Variants in CPEB3 observed in about 807,000 individuals in gnomAD.
CPEB3 encodes the protein cytoplasmic polyadenylation element binding protein 3, also known as cytoplasmic polyadenylation element-binding protein 3.
In CPEB3, 20 loss-of-function variants were observed where a neutral mutation model predicts 67.2. The observed-to-expected ratio is 0.30, with a 90% CI of 0.21 to 0.43. The LOEUF is 0.43. Among genes scored for constraint, CPEB3 ranks in the 20% least tolerant of loss-of-function variants. The pLI, the probability that CPEB3 is intolerant of heterozygous loss-of-function variation, is 1.00. For synonymous variants in CPEB3, 376 were observed against 393.1 expected, an observed-to-expected ratio of 0.96 and a Z score of 0.51; for missense variants, 746 against 968.6, an observed-to-expected ratio of 0.77 and a Z score of 3.05.
At chr10:92,098,770 CTTTTTTTTTTT>C (rs984013045) in intron 7 of CPEB3, among the ~76,000 whole-genome samples, 2 of 124,558 alleles carry the variant, frequency 1.6e-5, no homozygotes, top group East Asian at 4.4e-4. Context: ...TTCTTTTTTT[CTTTTTTTTTTT>C]TTTTTTTTGA....
chr10:92,219,118 C>T (rs57644484), intron 2 of CPEB3, among the ~76,000 whole-genome samples: 11,958 of 152,080 alleles, frequency 0.079, 1,555 homozygotes, highest in African/African-American at 0.27. Context: ...TTAAAAGATT[C>T]GGTTTTGAAC....
At position 92,240,073 on chromosome 10, in the gene CPEB3, G is replaced by A. The variant is rs1309844764; in HGVS notation, c.278C>T (p.Pro93Leu). 2.5e-6 allele frequency: 4 copies of A among 1,587,066 alleles called. No homozygotes were observed. Among genetic ancestry groups the A allele is most frequent in the East Asian group, 2.3e-5 (1 of 43,668 alleles). The change falls in exon 2 of 10, where the codon CCT becomes CTT. Residue 93 changes from proline to leucine, a missense_variant. Transcript: ENST00000265997. The stretch of plus-strand genomic sequence containing the variant: ...CGCGCCCGGTGCCGCGGGCTCCTGA[G>A]GCGGCGGCGGCTGCTGAGGAGGCTG... ...FHQPPQQPPP[P>L]QEPAAPGASL...
intron 4 of CPEB3, among the ~76,000 whole-genome samples, chr10:92,176,881 CAT>C (rs1444229400): frequency 6.6e-6 from 1 of 152,254 alleles, no homozygotes; most frequent in African/African-American, 2.4e-5. Context: ...CCGCAAGCCA[CAT>C]GTGGCCCAAG....
At chr10:92,201,185 G>C (rs762711299) in intron 2 of CPEB3, among the ~76,000 whole-genome samples, 1 of 152,178 alleles carries the variant, frequency 6.6e-6, no homozygotes, top group Non-Finnish European at 1.5e-5. Flanking sequence ...GAAGGATACA[G>C]AAAGGGAAAG....
At chr10:92,257,532 G>A (rs1852571475) in intron 1 of CPEB3, among the ~76,000 whole-genome samples, 1 of 151,864 alleles carries the variant, frequency 6.6e-6, no homozygotes. Context: ...CTGGGCTCAG[G>A]CAATCCTCCT....
At chr10:92,238,774 T>C (rs2134650538) in intron 2 of CPEB3, among the ~76,000 whole-genome samples, 1 of 148,808 alleles carries the variant, frequency 6.7e-6, no homozygotes, top group South Asian at 2.1e-4. Context: ...ATATGCTGAT[T>C]GTTATTAATG....
intron 9 of CPEB3, among the ~76,000 whole-genome samples, chr10:92,058,078 G>T (rs1404659224): frequency 6.6e-6 from 1 of 152,070 alleles, no homozygotes; most frequent in African/African-American, 2.4e-5. Flanking sequence ...AGGAAAACAT[G>T]ACCTCACCAA....
intron 9 of CPEB3, among the ~76,000 whole-genome samples, chr10:92,065,579 G>T (rs915503014): frequency 6.6e-6 from 1 of 152,032 alleles, no homozygotes; most frequent in African/African-American, 2.4e-5. Context: ...TTCAACCCCA[G>T]GAAAATTTCA....
At chr10:92,279,320 T>C (rs1309936862) in intron 1 of CPEB3, among the ~76,000 whole-genome samples, 1 of 152,220 alleles carries the variant, frequency 6.6e-6, no homozygotes, top group Non-Finnish European at 1.5e-5. Context: ...AAATGTTTAA[T>C]ACTTGCTTTC....
At chr10:92,162,944 G>C (rs1489270961) in intron 4 of CPEB3, among the ~76,000 whole-genome samples, 1 of 152,042 alleles carries the variant, frequency 6.6e-6, no homozygotes, top group Non-Finnish European at 1.5e-5. Flanking sequence ...CACTTGCATA[G>C]CTTCCCCAAT....
rs988289420 is a variant in CPEB3 at position 92,215,376 on chromosome 10, A to ACTCCTGAT, written c.1006-22748_1006-22741dup. Among the ~76,000 whole-genome samples the ACTCCTGAT allele has an allele frequency of 6.3e-5, 9 of 143,256 alleles. No individual in the cohort carries two copies. The East Asian group carries it at 1.9e-3, about 30-fold the overall frequency. The allele number at this position is 143,256 out of a possible 152,430, so 94.0% of individuals were successfully genotyped here. A position where few individuals can be genotyped will look rare whatever the true frequency, so the allele number is the denominator to read the frequency against. On this transcript the variant is annotated intron_variant, in intron 2 of 9. Coordinates refer to ENST00000265997, the MANE Select transcript of CPEB3 (RefSeq NM_014912.5). ...ACCATGTTGGCCAGGCTGGTCTTGA[A>ACTCCTGAT]CTCCTGATCTCCTGATCCGCCCACC...
At chr10:92,266,060 G>T (rs1308172087) in intron 1 of CPEB3, among the ~76,000 whole-genome samples, 2 of 152,096 alleles carry the variant, frequency 1.3e-5, no homozygotes, top group African/African-American at 4.8e-5. Context: ...GACATGTGAT[G>T]CCCTACACAG....
chr10:92,120,274 A>T (rs1468061956), intron 6 of CPEB3, among the ~76,000 whole-genome samples: 1 of 147,586 alleles, frequency 6.8e-6, no homozygotes, highest in Non-Finnish European at 1.5e-5. Context: ...ACAAACAAAC[A>T]AACAAACAAA....
rs1336164708 is a variant in CPEB3 at position 92,239,117 on chromosome 10, T to G, written c.1005+229A>C. ...GAAAATAAACTAAAAGAAAAAGGCT[T>G]CTTCTACCCTGAAGGGACGAATACG... On this transcript the variant is annotated intron_variant, in intron 2 of 9. Coordinates refer to ENST00000265997, the MANE Select transcript of CPEB3 (RefSeq NM_014912.5). This position sits in a 1 kb window ranked among gnomAD's most constrained non-coding sequence, Gnocchi z 6.0. 6.6e-6 allele frequency among the ~76,000 whole-genome samples: 1 copy of G among 152,234 alleles called. No homozygotes were observed. The highest frequency in any genetic ancestry group is 1.5e-5 in the Non-Finnish European group (1 of 68,042).
chr10:92,178,875 C>G (rs1848344554), intron 4 of CPEB3, among the ~76,000 whole-genome samples: 1 of 152,006 alleles, frequency 6.6e-6, no homozygotes, highest in Non-Finnish European at 1.5e-5. Context: ...TATTTTTGTT[C>G]TGATCATCTC....
At chr10:92,137,645 G>T in intron 6 of CPEB3, 1 of 588,438 alleles carries the variant, frequency 1.7e-6, no homozygotes, top group Non-Finnish European at 3.0e-6. Context: ...ACACTGTGTG[G>T]CTTGTATGAA....
At chr10:92,287,521 T>C (rs1026111654) in intron 1 of CPEB3, among the ~76,000 whole-genome samples, 2 of 152,212 alleles carry the variant, frequency 1.3e-5, no homozygotes, top group African/African-American at 2.4e-5. Flanking sequence ...ATTTATTTTC[T>C]GAGTTTTATC....
intron 9 of CPEB3, among the ~76,000 whole-genome samples, chr10:92,063,905 T>G (rs1009873851): frequency 2.0e-5 from 3 of 152,100 alleles, no homozygotes; most frequent in Non-Finnish European, 4.4e-5. Context: ...AGTGAAGCGA[T>G]ATAATTTAAT....
chr10:92,077,964 C>T (rs1277639034), intron 9 of CPEB3, among the ~76,000 whole-genome samples: 1 of 152,054 alleles, frequency 6.6e-6, no homozygotes, highest in African/African-American at 2.4e-5. Flanking sequence ...TGACTCTCAC[C>T]CCAGGGCACT....
Sources: allele counts gnomAD v4.1 joint callset (sites outside exome capture counted in the v4.1 genomes callset), GRCh38; gene constraint gnomAD v4.1.1; non-coding constraint Gnocchi (gnomAD v3.1); transcripts MANE v1.5; gene names NCBI Gene and HGNC (gene_info 2026-07-23, HGNC 2026-07-21).